The following RASGEF1C variants were observed in gnomAD, a reference collection of about 807,000 sequenced individuals.
RASGEF1C encodes the protein RasGEF domain family member 1C, also known as ras-GEF domain-containing family member 1C.
Under a neutral mutation model 58.1 loss-of-function variants are expected in RASGEF1C, and 27 were observed. The ratio of observed to expected loss-of-function variants is 0.46; its 90% CI spans 0.34 to 0.64. The LOEUF (loss-of-function observed/expected upper bound fraction) is 0.64. Among genes scored for constraint, RASGEF1C ranks in the 30% least tolerant of loss-of-function variants. The probability of loss-of-function intolerance (pLI) is 0.01; values close to 1 mark genes in which losing one functional copy is unlikely to be tolerated. For missense variants in RASGEF1C, 502 were observed against 605.1 expected (o/e 0.83, Z 1.79); for synonymous variants, 243 against 246.3 (o/e 0.99, Z 0.13).
intron 1 of RASGEF1C, among the ~76,000 whole-genome samples, chr5:180,153,622 T>C (rs1766802500): frequency 6.6e-6 from 1 of 152,308 alleles, no homozygotes; most frequent in South Asian, 2.1e-4. Flanking sequence ...CTTCATTACA[T>C]CTTTAACTGG....
chr5:180,146,104 T>C (rs1766657199), intron 1 of RASGEF1C, among the ~76,000 whole-genome samples: 2 of 152,214 alleles, frequency 1.3e-5, no homozygotes, highest in South Asian at 2.1e-4. Context: ...TTTGGTATCA[T>C]ATCCAAAAAG....
In RASGEF1C at chr5:180,161,494, G is replaced by T. The variant is rs550483590; in HGVS notation, c.-6-23436C>A. On this transcript the variant is annotated intron_variant, in intron 1 of 13. Transcript: ENST00000361132. The stretch of plus-strand genomic sequence containing the variant: ...TGGCTCACCTGTGTGGACCTGATGG[G>T]GCCGGGGCCATCGCCGTGGCGTCTT... Among the ~76,000 whole-genome samples the T allele has an allele frequency of 2.0e-5, 3 of 152,368 alleles. No homozygotes were observed. In the East Asian group the frequency reaches 5.8e-4, roughly 29 times the overall value.
At chr5:180,103,412 G>A (rs571948790) in intron 12 of RASGEF1C, among the ~76,000 whole-genome samples, 4 of 152,210 alleles carry the variant, frequency 2.6e-5, no homozygotes, top group Admixed American at 1.3e-4. Flanking sequence ...CGTCCTGTGC[G>A]TGTTCTGTTC....
At chr5:180,181,805 T>G (rs981036248) in intron 1 of RASGEF1C, among the ~76,000 whole-genome samples, 1 of 152,110 alleles carries the variant, frequency 6.6e-6, no homozygotes, top group African/African-American at 2.4e-5. Context: ...CAAGGCTGAG[T>G]GGAGCATGAA....
At chr5:180,172,243 C>CTTTTGAATAT (rs1767120846) in intron 1 of RASGEF1C, among the ~76,000 whole-genome samples, 1 of 152,156 alleles carries the variant, frequency 6.6e-6, no homozygotes, top group African/African-American at 2.4e-5. Flanking sequence ...CCTGAGCACT[C>CTTTTGAATAT]AGGGCCCCAG....
intron 6 of RASGEF1C, among the ~76,000 whole-genome samples, chr5:180,124,211 G>A (rs911890424): frequency 3.4e-5 from 5 of 144,996 alleles, no homozygotes; most frequent in Non-Finnish European, 6.0e-5. Context: ...CAGCCTGGGC[G>A]ACAGAGCGAG....
In RASGEF1C at chr5:180,102,124, G is replaced by T; in HGVS notation, c.1323C>A (p.Tyr441Ter). Reference sequence around the variant, plus strand: ...TTTGGTTCTCTGGGCTCTCACTTTCGTAAGAAGCCAAATAAAGACCTAGAC... The same window carrying T: ...TTTGGTTCTCTGGGCTCTCACTTTCTTAAGAAGCCAAATAAAGACCTAGAC... Reference protein sequence around the residue: ...FSEDGLYLASYESESPENQTE... With the variant: ...FSEDGLYLAS Residue 441 changes from tyrosine (Y) to a stop codon, truncating the protein, a stop_gained, in exon 13 of 14, where the codon TAC becomes TAA. Coordinates refer to ENST00000361132, the MANE Select transcript of RASGEF1C (RefSeq NM_175062.4). LOFTEE classifies it high-confidence loss of function. The T allele has an allele frequency of 6.3e-7, 1 of 1,593,264 alleles. No individual in the cohort carries two copies.
At chr5:180,186,723 T>C (rs920170966) in intron 1 of RASGEF1C, among the ~76,000 whole-genome samples, 18 of 152,178 alleles carry the variant, frequency 1.2e-4, no homozygotes, top group Admixed American at 6.5e-4. Context: ...CCCAGGACTT[T>C]GGGAGGCCAA....
In RASGEF1C at chr5:180,136,437, C is replaced by T. The variant is rs1766474972; in HGVS notation, c.379G>A (p.Glu127Lys). 6.4e-7 allele frequency: 1 copy of T among 1,560,822 alleles called. No homozygotes were observed. The highest frequency in any genetic ancestry group is 8.7e-7 in the Non-Finnish European group (1 of 1,152,310). Residue 127 changes from glutamate to lysine, a missense_variant, in exon 4 of 14, where the codon GAA becomes AAA. By Grantham distance (56) the Glu-to-Lys change is moderately conservative. Coordinates refer to ENST00000361132, the MANE Select transcript of RASGEF1C (RefSeq NM_175062.4). ...TTAAGGTGCCCGATAGTCGACTCTT[C>T]CTGGAAGTCCCTTGGGAAGGTCTCG... The part of the protein sequence containing the change: ...WTETFPRDFQ[E>K]ESTIGHLKDV...
intron 1 of RASGEF1C, among the ~76,000 whole-genome samples, chr5:180,172,653 G>A (rs1767130182): frequency 6.6e-6 from 1 of 152,060 alleles, no homozygotes; most frequent in Admixed American, 6.5e-5. Flanking sequence ...TCTGCCTGAG[G>A]CTCCACCCCA....
At chr5:180,125,189 T>C (rs1766234821) in intron 6 of RASGEF1C, among the ~76,000 whole-genome samples, 1 of 152,106 alleles carries the variant, frequency 6.6e-6, no homozygotes, top group South Asian at 2.1e-4. Flanking sequence ...GAAACATTTA[T>C]TTTAAAAACT....
At chr5:180,119,516 C>T in intron 7 of RASGEF1C, 68 bp from the exon 8 acceptor site, 1 of 1,194,532 alleles carries the variant, frequency 8.4e-7, no homozygotes, top group South Asian at 1.3e-5. Flanking sequence ...GCCCGCTCCC[C>T]TCACCTGGCC....
chr5:180,145,963 G>A (rs1766655761), intron 1 of RASGEF1C, among the ~76,000 whole-genome samples: 1 of 152,220 alleles, frequency 6.6e-6, no homozygotes, highest in Non-Finnish European at 1.5e-5. Flanking sequence ...TATTAGCTAT[G>A]TGATTTGTAA....
At position 180,179,404 on chromosome 5, in the gene RASGEF1C, T is replaced by C. The variant is rs1415997099; in HGVS notation, c.-7+29624A>G. Reference sequence around the variant, plus strand: ...CAGCATTTCAGGAGAGAAGGGCCGATGGATGGGCCAGTGGTGCACAGGGAG... The same window carrying C: ...CAGCATTTCAGGAGAGAAGGGCCGACGGATGGGCCAGTGGTGCACAGGGAG... On this transcript the variant is annotated intron_variant, in intron 1 of 13. Transcript: ENST00000361132. Among the ~76,000 whole-genome samples the C allele has an allele frequency of 2.0e-5, 3 of 152,110 alleles. 1 individual carries two copies. The highest frequency in any genetic ancestry group is 4.2e-4 in the South Asian group (2 of 4,818).
At chr5:180,154,204 C>T (rs1766815866) in intron 1 of RASGEF1C, among the ~76,000 whole-genome samples, 1 of 152,090 alleles carries the variant, frequency 6.6e-6, no homozygotes, top group Non-Finnish European at 1.5e-5. Flanking sequence ...CTCAGCTGGC[C>T]CCGGGCACTG....
chr5:180,128,202 C>T (rs1210363826), intron 5 of RASGEF1C, among the ~76,000 whole-genome samples: 1 of 152,184 alleles, frequency 6.6e-6, no homozygotes, highest in East Asian at 1.9e-4. Context: ...AACCCTCAGT[C>T]TCAAAGGGAA....
rs1180315405 is a variant in RASGEF1C, at chr5:180,177,755, G to C, written c.-7+31273C>G. ...ATCCATGGGCAGGCATGTCACCTGG[G>C]TGGGCCACCAGACTCAGTTCGTGGG... On this transcript the variant is annotated intron_variant, in intron 1 of 13. Coordinates refer to ENST00000361132, the MANE Select transcript of RASGEF1C (RefSeq NM_175062.4). The surrounding 1 kb of genome is among the most constrained non-coding windows in gnomAD (Gnocchi z 5.0). 6.6e-6 allele frequency among the ~76,000 whole-genome samples: 1 copy of C among 152,168 alleles called. No individual in the cohort carries two copies. Among genetic ancestry groups the C allele is most frequent in the Non-Finnish European group, 1.5e-5 (1 of 68,030 alleles).
intron 1 of RASGEF1C, 170 bp from the exon 2 acceptor site, chr5:180,138,228 T>G: frequency 2.1e-6 from 1 of 477,554 alleles, no homozygotes; most frequent in South Asian, 3.9e-5. Context: ...CAGGGCCCCT[T>G]CCTCACAGCA....
intron 10 of RASGEF1C, among the ~76,000 whole-genome samples, chr5:180,118,339 C>T (rs1470720084): frequency 6.7e-6 from 1 of 149,104 alleles, no homozygotes; most frequent in East Asian, 1.9e-4. Flanking sequence ...ACGAAGTGGC[C>T]TCACTCGTGT....
Sources: allele counts gnomAD v4.1 joint callset (sites outside exome capture counted in the v4.1 genomes callset), GRCh38; gene constraint gnomAD v4.1.1; non-coding constraint Gnocchi (gnomAD v3.1); transcripts MANE v1.5; gene names NCBI Gene and HGNC (gene_info 2026-07-23, HGNC 2026-07-21).